Variants in ANKAR observed in about 807,000 individuals in gnomAD.
ANKAR encodes the protein ankyrin and armadillo repeat containing.
A neutral mutation model predicts 146.2 loss-of-function variants in ANKAR; 136 were observed. The observed-to-expected ratio is 0.93, with a 90% CI of 0.81 to 1.07. The LOEUF is 1.07. ANKAR is among the 50% of genes least tolerant of loss of function. ANKAR has a pLI of 0.00. For synonymous variants in ANKAR, 500 were observed against 575.8 expected (o/e 0.87, Z 1.88); for missense variants, 1,567 against 1,679.9 (o/e 0.93, Z 1.18).
rs1363125603 is a variant in ANKAR, at chr2:189,728,042, T to A, written c.2822T>A (p.Ile941Lys). Residue 941 changes from isoleucine to lysine, a missense_variant, in exon 13 of 23, where the codon ATA becomes AAA. Transcript: ENST00000684021. Reference protein sequence around the residue: ...VESLASHNALIQKAFLEKSLT... With the variant: ...VESLASHNALKQKAFLEKSLT... The stretch of plus-strand genomic sequence containing the variant: ...TCACTGGCAAGTCACAACGCTCTTA[T>A]ACAGAAAGCATTTCTGGAAAAATCG... The A allele has an allele frequency of 1.9e-6, 3 of 1,613,708 alleles. No homozygotes were observed. Among genetic ancestry groups the A allele is most frequent in the Non-Finnish European group, 2.5e-6 (3 of 1,179,828 alleles).
downstream of ANKAR, chr2:189,746,801 A>C: frequency 1.4e-6 from 1 of 689,830 alleles, no homozygotes; most frequent in Non-Finnish European, 2.2e-6. Flanking sequence ...GTCAGGTCAG[A>C]GTTATGGTTT....
chr2:189,733,847 C>T (rs1355540037), intron 17 of ANKAR, among the ~76,000 whole-genome samples: 1 of 41,706 alleles, frequency 2.4e-5, no homozygotes, highest in East Asian at 7.4e-4. Flanking sequence ...TCAATGTCTA[C>T]TTTTGTTCCA....
chr2:189,738,344 A>G (rs1290653081), intron 18 of ANKAR, among the ~76,000 whole-genome samples: 1 of 152,152 alleles, frequency 6.6e-6, no homozygotes, highest in Non-Finnish European at 1.5e-5. Context: ...CAAACATTGT[A>G]GGAAGAATAA....
At chr2:189,713,541 T>A (rs946254045) in intron 10 of ANKAR, among the ~76,000 whole-genome samples, 1 of 152,080 alleles carries the variant, frequency 6.6e-6, no homozygotes, top group African/African-American at 2.4e-5. Context: ...AGAAATAAAA[T>A]CCTTTACAGA....
chr2:189,717,160 A>G (rs1164654775), intron 10 of ANKAR, among the ~76,000 whole-genome samples: 2 of 152,254 alleles, frequency 1.3e-5, no homozygotes, highest in African/African-American at 4.8e-5. Context: ...GGCAGCCTAC[A>G]GAATGGGAGA....
downstream of ANKAR, among the ~76,000 whole-genome samples, chr2:189,748,897 C>G (rs954501675): frequency 6.6e-6 from 1 of 152,116 alleles, no homozygotes; most frequent in African/African-American, 2.4e-5. Context: ...CCTAGCCAGA[C>G]CATCCTACCA....
chr2:189,761,563 A>T, downstream of ANKAR: 2 of 1,610,580 alleles, frequency 1.2e-6, no homozygotes, highest in Non-Finnish European at 1.7e-6. Context: ...GATGAAAATT[A>T]AAACTTCTTA....
chr2:189,708,075 A>G (rs1283505563), intron 9 of ANKAR, among the ~76,000 whole-genome samples: 2 of 152,206 alleles, frequency 1.3e-5, no homozygotes, highest in East Asian at 3.9e-4. Context: ...CCAAGCGTAA[A>G]GCATAGGGAA....
chr2:189,707,870 T>C (rs1001129679), intron 9 of ANKAR, among the ~76,000 whole-genome samples: 16 of 151,942 alleles, frequency 1.1e-4, no homozygotes, highest in African/African-American at 3.6e-4. Flanking sequence ...CCAGAGAAAA[T>C]CATTCCAAGC....
intron 18 of ANKAR, among the ~76,000 whole-genome samples, 199 bp downstream of exon 18, chr2:189,738,040 A>G (rs185368734): frequency 5.1e-4 from 78 of 152,320 alleles, no homozygotes; most frequent in African/African-American, 1.8e-3. Context: ...TACAAGTTAT[A>G]AGACACTTGC....
rs2038941603 is a variant in ANKAR, at chr2:189,706,322, C to T, written c.1911-616C>T. The stretch of plus-strand genomic sequence containing the variant: ...GAATCACTTGAACCGAGAGGCAGAG[C>T]CTGCAATGAGCTGAGGTCACACCAC... On this transcript the variant is annotated intron_variant, in intron 8 of 22. Transcript: ENST00000684021. Among the ~76,000 whole-genome samples the T allele has an allele frequency of 2.0e-5, 3 of 151,840 alleles. No homozygotes were observed. In the South Asian group the frequency reaches 6.2e-4, roughly 32 times the overall value.
chr2:189,757,178 CT>C (rs1264113471), intron 18 of ANKAR, among the ~76,000 whole-genome samples: 2 of 152,128 alleles, frequency 1.3e-5, no homozygotes, highest in Admixed American at 6.5e-5. Flanking sequence ...AGCCAAGAGT[CT>C]GTGCAAAAGA....
At chr2:189,742,905 GACAC>G (rs397987025) in intron 20 of ANKAR, among the ~76,000 whole-genome samples, 631 of 33,374 alleles carry the variant, frequency 0.019, 3 homozygotes, top group Middle Eastern at 0.043. Context: ...AGAATTACCT[GACAC>G]ACACACACAC....
chr2:189,755,897 T>A (rs956627633), intron 18 of ANKAR, among the ~76,000 whole-genome samples: 8 of 152,202 alleles, frequency 5.3e-5, no homozygotes, highest in Non-Finnish European at 7.3e-5. Flanking sequence ...GAAAATTAAT[T>A]TCCTTGCTGA....
chr2:189,728,222 GT>G, intron 13 of ANKAR, 44 bp from the exon 14 acceptor site: 1 of 1,541,954 alleles, frequency 6.5e-7, no homozygotes. Flanking sequence ...TTCCTAAAAT[GT>G]TCAATAAATG....
chr2:189,690,879 G>A (rs1237572765), intron 3 of ANKAR, among the ~76,000 whole-genome samples: 1 of 152,122 alleles, frequency 6.6e-6, no homozygotes, highest in Non-Finnish European at 1.5e-5. Flanking sequence ...AAGCAAATAT[G>A]ACTAACGTTA....
At chr2:189,734,535 C>T (rs781634929) in intron 17 of ANKAR, among the ~76,000 whole-genome samples, 1 of 152,162 alleles carries the variant, frequency 6.6e-6, no homozygotes, top group Non-Finnish European at 1.5e-5. Context: ...CTATTTTCTA[C>T]AGGGCATTTC....
At chr2:189,753,184 C>A (rs1229046083) in intron 18 of ANKAR, 5 of 342,410 alleles carry the variant, frequency 1.5e-5, no homozygotes, top group African/African-American at 8.5e-5. Flanking sequence ...ACATTACTAG[C>A]ATTTTTGTAT....
chr2:189,676,433 C>A, intron 1 of ANKAR, 23 bp from the exon 2 acceptor site: 1 of 1,455,688 alleles, frequency 6.9e-7, no homozygotes, highest in Non-Finnish European at 9.0e-7. Flanking sequence ...TATTGATAAT[C>A]TTTTCCTTCT....
Sources: allele counts gnomAD v4.1 joint callset (sites outside exome capture counted in the v4.1 genomes callset), GRCh38; gene constraint gnomAD v4.1.1; transcripts MANE v1.5; gene names NCBI Gene and HGNC (gene_info 2026-07-23, HGNC 2026-07-21).